DTNB: variants seen among roughly 807,000 people sequenced by gnomAD.
DTNB encodes DTN-B.
DTNB carries 63 observed loss-of-function variants against 90.7 expected under a neutral mutation model. The observed-to-expected ratio is 0.69, with a 90% CI of 0.57 to 0.86. DTNB has a LOEUF of 0.86. DTNB is among the 40% of genes least tolerant of loss of function. The pLI is 0.00. For missense variants in DTNB, 744 were observed against 807.1 expected (o/e 0.92, Z 0.95); for synonymous variants, 277 against 286.7 (o/e 0.97, Z 0.34).
chr2:25,634,589 A>C (rs1015757401), intron 3 of DTNB, among the ~76,000 whole-genome samples: 1 of 128,334 alleles, frequency 7.8e-6, no homozygotes, highest in African/African-American at 2.6e-5. Flanking sequence ...GGCCAGGATG[A>C]CAATGGCGGT....
At chr2:25,649,685 C>T (rs1342804459) in intron 2 of DTNB, among the ~76,000 whole-genome samples, 3 of 152,240 alleles carry the variant, frequency 2.0e-5, no homozygotes, top group Middle Eastern at 3.4e-3. Flanking sequence ...TACCACTGCA[C>T]TCCAGCCTGA....
intron 16 of DTNB, among the ~76,000 whole-genome samples, chr2:25,394,542 GA>G (rs2149588370): frequency 6.6e-6 from 1 of 151,736 alleles, no homozygotes; most frequent in East Asian, 1.9e-4. Flanking sequence ...AAATCAGCAA[GA>G]AAAAAATAAT....
chr2:25,419,277 C>A lies in DTNB; in HGVS notation c.1575+238G>T. ...CTGGCTAATCATGCACACTTCAATG[C>A]GCACAACAGATGGGTACTTACAAGC... is the stretch of plus-strand genomic sequence containing the variant. On this transcript the variant is annotated intron_variant, in intron 16 of 20. Coordinates refer to ENST00000406818, the MANE Select transcript of DTNB (RefSeq NM_021907.5). The A allele has an allele frequency of 4.9e-6, 3 of 608,534 alleles. No individual in the cohort carries two copies. In the South Asian group the frequency reaches 5.9e-5, roughly 12 times the overall value. The allele number at this position is 608,534 out of a possible 1,614,324, so 37.7% of individuals were successfully genotyped here. A position where few individuals can be genotyped will look rare whatever the true frequency, so the allele number is the denominator to read the frequency against.
chr2:25,407,618 G>T (rs1466286032), intron 16 of DTNB, among the ~76,000 whole-genome samples: 1 of 152,142 alleles, frequency 6.6e-6, no homozygotes, highest in African/African-American at 2.4e-5. Flanking sequence ...AATATCTTTT[G>T]CAGCAACCTG....
At chr2:25,614,243 T>G (rs116372877) in intron 4 of DTNB, among the ~76,000 whole-genome samples, 2,703 of 152,296 alleles carry the variant, frequency 0.018, 76 homozygotes, top group African/African-American at 0.059. Context: ...GAAGAAAGAC[T>G]GAGTGCTTGT....
At chr2:25,640,753 T>A (rs1208393396) in intron 2 of DTNB, among the ~76,000 whole-genome samples, 1 of 152,062 alleles carries the variant, frequency 6.6e-6, no homozygotes, top group Non-Finnish European at 1.5e-5. Flanking sequence ...ATGCCTGTAA[T>A]CCCAGCACTT....
chr2:25,381,662 C>T (rs2037806667), intron 19 of DTNB, among the ~76,000 whole-genome samples: 2 of 152,236 alleles, frequency 1.3e-5, no homozygotes, highest in Non-Finnish European at 2.9e-5. Context: ...AGGTGTAAGC[C>T]ACCATGCCCA....
intron 1 of DTNB, among the ~76,000 whole-genome samples, chr2:25,660,590 C>T (rs2149000962): frequency 6.6e-6 from 1 of 152,248 alleles, no homozygotes; most frequent in South Asian, 2.1e-4. Flanking sequence ...TGGATTATAT[C>T]TCAAATAAGT....
rs1054499747 is a variant in DTNB at position 25,387,931 on chromosome 2, A to G, written c.1735+271T>C. ...ATTCCTCTGGAGGAGACAAAGCCCA[A>G]AGGACAAAGCACTTCCAATAATCCA... On this transcript the variant is annotated intron_variant, in intron 17 of 20. Transcript: ENST00000406818. This position sits in a 1 kb window ranked among gnomAD's most constrained non-coding sequence, Gnocchi z 4.5. Among the ~76,000 whole-genome samples the G allele has an allele frequency of 6.6e-6, 1 of 152,220 alleles. No individual in the cohort carries two copies. The highest frequency in any genetic ancestry group is 6.5e-5 in the Admixed American group (1 of 15,282).
At chr2:25,589,367 CTTTTTTT>C (rs1169808182) in intron 6 of DTNB, among the ~76,000 whole-genome samples, 683 of 57,602 alleles carry the variant, frequency 0.012, 21 homozygotes, top group African/African-American at 0.053. Flanking sequence ...TTTTTCTTTT[CTTTTTTT>C]TTTTTTTTTT....
At chr2:25,525,594 C>T (rs2076939029) in intron 9 of DTNB, among the ~76,000 whole-genome samples, 1 of 151,842 alleles carries the variant, frequency 6.6e-6, no homozygotes, top group Non-Finnish European at 1.5e-5. Flanking sequence ...CAAGATCGCT[C>T]CATTGCACTC....
chr2:25,549,909 C>A (rs1432612706), intron 8 of DTNB, among the ~76,000 whole-genome samples: 1 of 152,090 alleles, frequency 6.6e-6, no homozygotes, highest in South Asian at 2.1e-4. Flanking sequence ...GATCCTCCTG[C>A]CTCACCCTCC....
At chr2:25,619,355 A>T (rs2071771059) in intron 4 of DTNB, among the ~76,000 whole-genome samples, 1 of 152,232 alleles carries the variant, frequency 6.6e-6, no homozygotes. Context: ...GCATTCTGCC[A>T]ATTAATCTTA....
chr2:25,617,030 C>A (rs1012992437), intron 4 of DTNB, among the ~76,000 whole-genome samples: 12 of 151,588 alleles, frequency 7.9e-5, no homozygotes, highest in African/African-American at 2.9e-4. Flanking sequence ...TCTCTGAGAT[C>A]CACTGTTTAA....
intron 16 of DTNB, among the ~76,000 whole-genome samples, chr2:25,402,051 T>C (rs2043865632): frequency 6.6e-6 from 1 of 152,238 alleles, no homozygotes; most frequent in Non-Finnish European, 1.5e-5. Context: ...CTGGGATATG[T>C]AGAGAACAGC....
chr2:25,384,278 C>A (rs1448982032), intron 18 of DTNB, among the ~76,000 whole-genome samples: 2 of 152,026 alleles, frequency 1.3e-5, no homozygotes, highest in Admixed American at 6.6e-5. Context: ...GGGGGAATAC[C>A]TAGATTAACA....
chr2:25,564,311 T>C (rs905493139), intron 8 of DTNB, among the ~76,000 whole-genome samples: 2 of 152,192 alleles, frequency 1.3e-5, no homozygotes, highest in Non-Finnish European at 2.9e-5. Context: ...TGGGGAGTAC[T>C]GTCATTTTAA....
At chr2:25,625,267 C>T (rs765615776) in intron 4 of DTNB, among the ~76,000 whole-genome samples, 37 of 152,138 alleles carry the variant, frequency 2.4e-4, no homozygotes, top group Non-Finnish European at 1.2e-4. Flanking sequence ...AGTAATAAAG[C>T]GGCCAATCAA....
intron 5 of DTNB, among the ~76,000 whole-genome samples, chr2:25,604,930 G>A (rs1305973922): frequency 6.6e-6 from 1 of 151,702 alleles, no homozygotes; most frequent in African/African-American, 2.4e-5. Context: ...CGTTGCCCAG[G>A]CTGGTCTCAA....
Sources: gnomAD v4.1 joint callset for allele counts (sites outside exome capture counted in the v4.1 genomes callset) on GRCh38, gnomAD v4.1.1 for gene constraint, Gnocchi (gnomAD v3.1) non-coding constraint, MANE v1.5 for transcripts, NCBI Gene and HGNC (gene_info 2026-07-23, HGNC 2026-07-21) for gene names.